KCNH1: variants seen among roughly 807,000 people sequenced by gnomAD.
The protein encoded by KCNH1 is potassium voltage-gated channel subfamily H member 1.
KCNH1 carries 27 observed loss-of-function variants against 69.2 expected under a neutral mutation model. The observed-to-expected ratio is 0.39, with a 90% CI of 0.29 to 0.54. KCNH1 has a LOEUF of 0.54. KCNH1 is among the 20% of genes least tolerant of loss of function. KCNH1 has a pLI of 0.68. For synonymous variants in KCNH1, 456 were observed against 487.7 expected (o/e 0.93, Z 0.86); for missense variants, 798 against 1,261.6 (o/e 0.63, Z 5.57).
chr1:210,865,877 T>C (rs936776053), intron 7 of KCNH1, among the ~76,000 whole-genome samples: 10 of 152,276 alleles, frequency 6.6e-5, no homozygotes, highest in Admixed American at 6.5e-4. Context: ...ATGAAATGGG[T>C]GAATTCCCAT....
In KCNH1 at chr1:210,712,819, C is replaced by T. The variant is rs1312135317; in HGVS notation, c.2113-28681G>A. Among the ~76,000 whole-genome samples, 3 of 152,118 alleles carry T rather than the reference C, an allele frequency of 2.0e-5. No individual in the cohort carries two copies. In the East Asian group the frequency reaches 5.8e-4, roughly 29 times the overall value. ...ATACCCACATTAACAGGAATCTGTA[C>T]CTGCCTACAAGTCTTGGAATTTTAG... On this transcript the variant is annotated intron_variant, in intron 10 of 10. Transcript: ENST00000271751.
At chr1:211,107,801 C>T (rs1389771252) in intron 1 of KCNH1, among the ~76,000 whole-genome samples, 2 of 152,120 alleles carry the variant, frequency 1.3e-5, no homozygotes, top group Non-Finnish European at 2.9e-5. Flanking sequence ...TGGCCAGAAG[C>T]TAAAAATTTG....
At chr1:210,826,710 A>C (rs1277701910) in intron 7 of KCNH1, among the ~76,000 whole-genome samples, 1 of 152,268 alleles carries the variant, frequency 6.6e-6, no homozygotes, top group Admixed American at 6.5e-5. Context: ...CTGCTAAAGC[A>C]GTTCTGCAAT....
chr1:211,110,997 A>G (rs925039041), intron 1 of KCNH1, among the ~76,000 whole-genome samples: 2 of 152,278 alleles, frequency 1.3e-5, no homozygotes, highest in African/African-American at 4.8e-5. Flanking sequence ...ATGGTTATTT[A>G]CATTACATTA....
At chr1:211,035,288 G>A (rs371044884) in intron 5 of KCNH1, among the ~76,000 whole-genome samples, 42 of 113,760 alleles carry the variant, frequency 3.7e-4, no homozygotes, top group African/African-American at 5.0e-4. Context: ...TCGCTCTGTC[G>A]CCCAGGCTGG....
At chr1:210,931,212 C>A (rs920988709) in intron 6 of KCNH1, among the ~76,000 whole-genome samples, 1 of 152,160 alleles carries the variant, frequency 6.6e-6, no homozygotes, top group Non-Finnish European at 1.5e-5. Flanking sequence ...GATACTTGCA[C>A]ACACATATTT....
intron 5 of KCNH1, among the ~76,000 whole-genome samples, chr1:211,080,270 A>C (rs1252277979): frequency 2.6e-5 from 4 of 152,222 alleles, no homozygotes; most frequent in Non-Finnish European, 5.9e-5. Flanking sequence ...AGGGATGTGA[A>C]GGACCCCTTC....
chr1:211,066,214 T>C (rs1690527673), intron 5 of KCNH1, among the ~76,000 whole-genome samples: 3 of 152,284 alleles, frequency 2.0e-5, no homozygotes, highest in African/African-American at 7.2e-5. Context: ...AAAACCTGAT[T>C]TCTGAAAATT....
intron 5 of KCNH1, among the ~76,000 whole-genome samples, chr1:211,049,324 T>A (rs1690150643): frequency 6.6e-6 from 1 of 152,198 alleles, no homozygotes; most frequent in Non-Finnish European, 1.5e-5. Context: ...ATTGTCAAGA[T>A]CTCCATTAAA....
chr1:210,965,594 T>TTACACAGAGTCAA (rs1688383692), intron 6 of KCNH1, among the ~76,000 whole-genome samples: 1 of 149,852 alleles, frequency 6.7e-6, no homozygotes, highest in Non-Finnish European at 1.5e-5. Flanking sequence ...ACACCAATAA[T>TTACACAGAGTCAA]TACACAGAGT....
intron 3 of KCNH1, among the ~76,000 whole-genome samples, chr1:211,097,791 G>T (rs996267576): frequency 2.0e-5 from 3 of 152,106 alleles, no homozygotes; most frequent in Admixed American, 6.5e-5. Flanking sequence ...CCTTTCCCTG[G>T]GCTTCTCTGA....
intron 6 of KCNH1, among the ~76,000 whole-genome samples, chr1:210,931,644 C>G (rs778252419): frequency 1.3e-5 from 2 of 151,790 alleles, no homozygotes; most frequent in African/African-American, 2.4e-5. Context: ...AACAACTGTT[C>G]CCCAGAAACC....
At chr1:210,703,040 A>G (rs1574192923) in intron 10 of KCNH1, among the ~76,000 whole-genome samples, 1 of 152,214 alleles carries the variant, frequency 6.6e-6, no homozygotes, top group South Asian at 2.1e-4. Flanking sequence ...TCCCACATTT[A>G]ACACAATTTT....
chr1:210,818,711 C>T (rs1574275168), intron 7 of KCNH1, among the ~76,000 whole-genome samples: 2 of 152,142 alleles, frequency 1.3e-5, no homozygotes, highest in African/African-American at 4.8e-5. Flanking sequence ...CCAGAACCAA[C>T]ACATAAGACT....
At chr1:211,084,116 G>T (rs1211300257) in intron 4 of KCNH1, among the ~76,000 whole-genome samples, 1 of 152,146 alleles carries the variant, frequency 6.6e-6, no homozygotes, top group Admixed American at 6.6e-5. Context: ...ACACATAGTG[G>T]TTTCACTGTG....
intron 10 of KCNH1, among the ~76,000 whole-genome samples, chr1:210,702,205 G>C (rs151213968): frequency 0.021 from 3,244 of 152,252 alleles, 95 homozygotes; most frequent in African/African-American, 0.07. Flanking sequence ...TTACAACACT[G>C]TGCTTCAATG....
At chr1:210,703,707 A>G (rs779544826) in intron 10 of KCNH1, among the ~76,000 whole-genome samples, 4 of 152,206 alleles carry the variant, frequency 2.6e-5, no homozygotes, top group Admixed American at 6.5e-5. Context: ...GACAGAGACT[A>G]TATTTCTGTG....
At position 210,684,141 on chromosome 1, in the gene KCNH1, G is replaced by GGA. The variant is rs144706702; in HGVS notation, c.2113-5_2113-4dup. On this transcript the variant is annotated splice_region_variant and splice_polypyrimidine_tract_variant and intron_variant, in intron 10 of 10. Transcript: ENST00000271751. Reference sequence around the variant, plus strand: ...TCGCTGATCTTCCGGAACACAATCTGGAGAGAGAGAGAGAGAGAATGACAT... The same window carrying GGA: ...TCGCTGATCTTCCGGAACACAATCTGGAGAGAGAGAGAGAGAGAGAATGACAT... The GGA allele has an allele frequency of 0.024, 30,760 of 1,270,918 alleles. 163 individuals are homozygous for GGA. Among genetic ancestry groups the GGA allele is most frequent in the Middle Eastern group, 0.033 (156 of 4,764 alleles). 78.7% of individuals were successfully genotyped at this position (1,270,918 alleles called of 1,614,324 possible).
chr1:210,998,042 C>A (rs976312242), intron 6 of KCNH1, among the ~76,000 whole-genome samples: 1 of 152,178 alleles, frequency 6.6e-6, no homozygotes, highest in Non-Finnish European at 1.5e-5. Flanking sequence ...CAACCGGTAC[C>A]AGCCACTGCA....
Sources: allele counts gnomAD v4.1 joint callset (sites outside exome capture counted in the v4.1 genomes callset), GRCh38; gene constraint gnomAD v4.1.1; transcripts MANE v1.5; gene names NCBI Gene and HGNC (gene_info 2026-07-23, HGNC 2026-07-21).